KIAA1328: variants seen among roughly 807,000 people sequenced by gnomAD.
KIAA1328 encodes the protein KIAA1328, also known as protein hinderin.
Under a neutral mutation model 68.1 loss-of-function variants are expected in KIAA1328, and 52 were observed. The observed-to-expected ratio is 0.76, with a 90% CI of 0.61 to 0.96. The LOEUF is 0.96. Ranked by LOEUF, KIAA1328 falls within the 40% of genes least tolerant of loss-of-function variation. KIAA1328 has a pLI of 0.00. For missense variants in KIAA1328, 641 were observed against 677.6 expected (o/e 0.95, Z 0.60); for synonymous variants, 232 against 239.4 (o/e 0.97, Z 0.28).
intron 5 of KIAA1328, among the ~76,000 whole-genome samples, chr18:36,955,443 G>C (rs1383631798): frequency 6.6e-6 from 1 of 151,758 alleles, no homozygotes; most frequent in Non-Finnish European, 1.5e-5. Flanking sequence ...CCGAGTAGCT[G>C]GGATGACAGG....
chr18:36,853,784 G>A (rs927573647), intron 4 of KIAA1328, among the ~76,000 whole-genome samples: 7 of 151,882 alleles, frequency 4.6e-5, no homozygotes, highest in Non-Finnish European at 8.8e-5. Context: ...TCAGCCTCCC[G>A]CGTAGCTGTT....
intron 6 of KIAA1328, among the ~76,000 whole-genome samples, chr18:36,961,337 T>G (rs1044120795): frequency 3.3e-5 from 5 of 152,212 alleles, no homozygotes; most frequent in Admixed American, 3.3e-4. Context: ...AATCTACATT[T>G]GGTTGGTGTA....
At chr18:36,873,161 C>A (rs190752239) in intron 4 of KIAA1328, among the ~76,000 whole-genome samples, 7 of 152,214 alleles carry the variant, frequency 4.6e-5, no homozygotes, top group Non-Finnish European at 8.8e-5. Flanking sequence ...GTTTAATAAT[C>A]TTTCCTTCAA....
chr18:36,984,806 T>C (rs1444644365), intron 6 of KIAA1328, among the ~76,000 whole-genome samples: 1 of 147,032 alleles, frequency 6.8e-6, no homozygotes, highest in Non-Finnish European at 1.5e-5. Flanking sequence ...CTTAGGAGAC[T>C]GAGTCAGGAG....
chr18:37,013,621 T>A (rs931857732), intron 6 of KIAA1328, among the ~76,000 whole-genome samples: 4 of 152,198 alleles, frequency 2.6e-5, no homozygotes, highest in African/African-American at 7.2e-5. Context: ...CCTGCATTAA[T>A]TCACTTAGGA....
chr18:37,229,608 G>C, downstream of KIAA1328: 1 of 1,263,040 alleles, frequency 7.9e-7, no homozygotes, highest in Non-Finnish European at 1.0e-6. Flanking sequence ...AGGCGCGGTG[G>C]CTTACACCTG....
intron 9 of KIAA1328, among the ~76,000 whole-genome samples, chr18:37,219,915 AC>A (rs2060525151): frequency 6.6e-6 from 1 of 152,154 alleles, no homozygotes; most frequent in Non-Finnish European, 1.5e-5. Context: ...TTTGTCGATC[AC>A]ACTGGGAGCT....
chr18:37,135,036 CT>C (rs1319983260), intron 7 of KIAA1328, among the ~76,000 whole-genome samples: 3 of 152,120 alleles, frequency 2.0e-5, no homozygotes, highest in Non-Finnish European at 4.4e-5. Context: ...TCATTCCATT[CT>C]TTTTTATGGC....
chr18:36,957,193 T>C (rs1392499258), intron 5 of KIAA1328, among the ~76,000 whole-genome samples: 1 of 152,136 alleles, frequency 6.6e-6, no homozygotes, highest in Non-Finnish European at 1.5e-5. Flanking sequence ...GTTATGAAAA[T>C]GTTAAGGAAT....
At chr18:37,077,693 C>CAA (rs920288730) in intron 7 of KIAA1328, among the ~76,000 whole-genome samples, 1 of 133,766 alleles carries the variant, frequency 7.5e-6, no homozygotes, top group African/African-American at 3.3e-5. Flanking sequence ...CAGTAACAGA[C>CAA]AGAGAGCCAA....
intron 5 of KIAA1328, among the ~76,000 whole-genome samples, chr18:36,899,692 A>G (rs964945138): frequency 6.6e-6 from 1 of 151,994 alleles, no homozygotes; most frequent in Non-Finnish European, 1.5e-5. Context: ...CCTGACTGCT[A>G]GGAAAGAATG....
At position 37,222,710 on chromosome 18, in the gene KIAA1328, C is replaced by A. The variant is rs1468742135; in HGVS notation, c.*483C>A. 2 of 995,486 alleles carry A rather than the reference C, an allele frequency of 2.0e-6. No homozygotes were observed. The highest frequency in any genetic ancestry group is 2.4e-6 in the Non-Finnish European group (2 of 836,492). 61.7% of individuals were successfully genotyped at this position (995,486 alleles called of 1,614,324 possible). ...ATCCTGTTCTCTCACTACTACATTT[C>A]TGTAAGTGGTCCTTTAATTCTGAAG... On this transcript the variant is annotated 3_prime_UTR_variant, in exon 10 of 10. Coordinates refer to ENST00000280020, the MANE Select transcript of KIAA1328 (RefSeq NM_020776.3).
intron 6 of KIAA1328, among the ~76,000 whole-genome samples, chr18:37,045,273 A>G (rs1310848112): frequency 6.6e-6 from 1 of 152,210 alleles, no homozygotes; most frequent in Non-Finnish European, 1.5e-5. Context: ...TCTCAGCTAC[A>G]CTTGTAGCCT....
chr18:37,102,024 A>T (rs1487156209), intron 7 of KIAA1328, among the ~76,000 whole-genome samples: 1 of 152,222 alleles, frequency 6.6e-6, no homozygotes, highest in Non-Finnish European at 1.5e-5. Flanking sequence ...AGTATTACTG[A>T]TACCAAAACC....
chr18:36,894,958 A>C (rs1172204662), intron 5 of KIAA1328, among the ~76,000 whole-genome samples: 1 of 152,084 alleles, frequency 6.6e-6, no homozygotes, highest in Non-Finnish European at 1.5e-5. Flanking sequence ...AACATGTGTG[A>C]CCTTCATTTT....
chr18:37,174,752 C>A (rs2059567996), intron 9 of KIAA1328, among the ~76,000 whole-genome samples: 1 of 151,964 alleles, frequency 6.6e-6, no homozygotes, highest in Admixed American at 6.6e-5. Flanking sequence ...CACCACCACG[C>A]TTGGCTAATT....
chr18:37,169,630 A>C (rs937671635), intron 8 of KIAA1328, among the ~76,000 whole-genome samples: 6 of 152,218 alleles, frequency 3.9e-5, no homozygotes, highest in Admixed American at 6.5e-5. Flanking sequence ...AAATGGAACA[A>C]ATACAATTAA....
chr18:37,074,858 G>A (rs1415448583), intron 7 of KIAA1328: 1 of 152,278 alleles, frequency 6.6e-6, no homozygotes, highest in Non-Finnish European at 1.5e-5. Context: ...TGGAGGAGGA[G>A]AGGTGCTCTG....
intron 9 of KIAA1328, among the ~76,000 whole-genome samples, chr18:37,214,667 T>A (rs894174599): frequency 3.3e-5 from 5 of 152,176 alleles, no homozygotes; most frequent in Admixed American, 6.6e-5. Context: ...TTTAAAGTAG[T>A]TTATTCCAGT....
Sources: gnomAD v4.1 joint callset for allele counts (sites outside exome capture counted in the v4.1 genomes callset) on GRCh38, gnomAD v4.1.1 for gene constraint, MANE v1.5 for transcripts, NCBI Gene and HGNC (gene_info 2026-07-23, HGNC 2026-07-21) for gene names.